The following PARD3B variants were observed in gnomAD, a reference collection of about 807,000 sequenced individuals.
PARD3B encodes partitioning defective 3 homolog B.
PARD3B carries 103 observed loss-of-function variants against 130.2 expected under a neutral mutation model. The ratio of observed to expected loss-of-function variants is 0.79; its 90% confidence interval spans 0.67 to 0.93. The LOEUF (loss-of-function observed/expected upper bound fraction) is 0.93, where lower values mean the gene tolerates loss of function less well. Among genes scored for constraint, PARD3B ranks in the 40% least tolerant of loss-of-function variants. The pLI is 0.00. For missense variants in PARD3B, 1,609 were observed against 1,499.2 expected (o/e 1.07, Z -1.21); for synonymous variants, 583 against 553.2 (o/e 1.05, Z -0.76).
intron 20 of PARD3B, among the ~76,000 whole-genome samples, chr2:205,441,072 A>G (rs1426133693): frequency 2.0e-5 from 3 of 152,204 alleles, no homozygotes; most frequent in Non-Finnish European, 4.4e-5. Context: ...GCTTCCAAGT[A>G]GGTGTAATTG....
intron 22 of PARD3B, among the ~76,000 whole-genome samples, chr2:205,570,563 A>G (rs10207891): frequency 0.018 from 2,721 of 152,298 alleles, 88 homozygotes; most frequent in African/African-American, 0.061. Context: ...GTGTGTATAT[A>G]TATTTCCATT....
intron 21 of PARD3B, among the ~76,000 whole-genome samples, chr2:205,517,085 C>T (rs564272922): frequency 2.0e-4 from 31 of 152,064 alleles, no homozygotes; most frequent in African/African-American, 7.5e-4. Flanking sequence ...TTTCATACGT[C>T]GAATCAACCT....
At chr2:205,560,119 C>T (rs918269140) in intron 22 of PARD3B, among the ~76,000 whole-genome samples, 1 of 152,144 alleles carries the variant, frequency 6.6e-6, no homozygotes, top group Admixed American at 6.5e-5. Context: ...GTTTTTAACC[C>T]AAACAGTCTG....
chr2:204,583,327 G>C (rs2032660041), intron 1 of PARD3B, among the ~76,000 whole-genome samples: 1 of 103,644 alleles, frequency 9.6e-6, no homozygotes, highest in African/African-American at 3.7e-5. Flanking sequence ...CCTTTGTAGG[G>C]ACATGGATGA....
chr2:204,687,237 C>T (rs1160841549), intron 2 of PARD3B, among the ~76,000 whole-genome samples: 1 of 152,086 alleles, frequency 6.6e-6, no homozygotes, highest in African/African-American at 2.4e-5. Context: ...TCAGACTGTT[C>T]AAACTTACAT....
chr2:205,007,924 CT>C (rs1229523647), intron 3 of PARD3B, among the ~76,000 whole-genome samples: 2 of 152,048 alleles, frequency 1.3e-5, no homozygotes, highest in Non-Finnish European at 2.9e-5. Flanking sequence ...GTTAAATACA[CT>C]CCTGGGTATT....
At chr2:205,153,646 T>C (rs565717409) in intron 10 of PARD3B, among the ~76,000 whole-genome samples, 1 of 152,294 alleles carries the variant, frequency 6.6e-6, no homozygotes, top group African/African-American at 2.4e-5. Context: ...CTTCAAACTT[T>C]ACTACAAGGC....
intron 2 of PARD3B, among the ~76,000 whole-genome samples, chr2:204,821,506 C>T (rs373361109): frequency 3.0e-5 from 4 of 135,466 alleles, no homozygotes; most frequent in South Asian, 2.3e-4. Context: ...ACAATGAGAA[C>T]GCATGGACAC....
At chr2:204,974,930 C>A (rs1464183841) in intron 3 of PARD3B, among the ~76,000 whole-genome samples, 1 of 152,140 alleles carries the variant, frequency 6.6e-6, no homozygotes, top group Non-Finnish European at 1.5e-5. Flanking sequence ...TAAAATAATA[C>A]ACATCACAGA....
chr2:205,250,702 G>A (rs372739114), intron 16 of PARD3B, among the ~76,000 whole-genome samples: 94 of 152,260 alleles, frequency 6.2e-4, no homozygotes, highest in East Asian at 3.7e-3. Flanking sequence ...GCCAAGGCAG[G>A]TGGATCATTT....
chr2:204,935,107 T>C (rs1688314844), intron 2 of PARD3B, among the ~76,000 whole-genome samples: 2 of 151,842 alleles, frequency 1.3e-5, no homozygotes, highest in Admixed American at 6.6e-5. Flanking sequence ...TTTTTTACTT[T>C]TTGTCCATAT....
At position 205,374,284 on chromosome 2, in the gene PARD3B, T is replaced by C. The variant is rs184668913; in HGVS notation, c.2631-26729T>C. Among the ~76,000 whole-genome samples the C allele has an allele frequency of 7.2e-5, 11 of 152,286 alleles. No homozygotes were observed. In the East Asian group the frequency reaches 2.1e-3, roughly 29 times the overall value. The stretch of plus-strand genomic sequence containing the variant: ...TGGAATCTTTCTCGGTAGCCCAGGC[T>C]GGAATACAGTGGAGCAATCTCAGCT... On this transcript the variant is annotated intron_variant, in intron 18 of 22. Transcript: ENST00000406610.
At chr2:205,087,746 G>A (rs574593820) in intron 4 of PARD3B, among the ~76,000 whole-genome samples, 126 of 152,248 alleles carry the variant, frequency 8.3e-4, no homozygotes, top group African/African-American at 2.2e-3. Flanking sequence ...CATTTCATCC[G>A]TGTTAGTATT....
intron 2 of PARD3B, among the ~76,000 whole-genome samples, chr2:204,759,179 T>C (rs2040799014): frequency 6.6e-6 from 1 of 152,178 alleles, no homozygotes; most frequent in Non-Finnish European, 1.5e-5. Context: ...CAACACCTTT[T>C]TGGTTCCTCT....
intron 2 of PARD3B, among the ~76,000 whole-genome samples, 166 bp downstream of exon 2, chr2:204,686,448 G>C (rs1176026412): frequency 1.3e-5 from 2 of 152,110 alleles, no homozygotes; most frequent in African/African-American, 2.4e-5. Flanking sequence ...TCAGATGTTT[G>C]GAAAAACTGT....
intron 18 of PARD3B, among the ~76,000 whole-genome samples, chr2:205,322,295 C>A (rs1330731020): frequency 6.6e-6 from 1 of 152,136 alleles, no homozygotes; most frequent in East Asian, 1.9e-4. Flanking sequence ...CTCTGCCAGT[C>A]TTTTTATTTA....
chr2:205,558,330 G>A lies in PARD3B; in HGVS notation c.3260+4927G>A, dbSNP rs1344872948. ...CCAGGGCAGACATGGCATGACAGCA[G>A]CACCCTATTCGCAGGTGGGAGAGAT... is the stretch of plus-strand genomic sequence containing the variant. On this transcript the variant is annotated intron_variant, in intron 22 of 22. Coordinates refer to ENST00000406610, the MANE Select transcript of PARD3B (RefSeq NM_001302769.2). The surrounding 1 kb of genome is among the most constrained non-coding windows in gnomAD (Gnocchi z 4.8). Among the ~76,000 whole-genome samples, 1 of 152,066 alleles carries A rather than the reference G, an allele frequency of 6.6e-6. No homozygotes were observed. Among genetic ancestry groups the A allele is most frequent in the African/African-American group, 2.4e-5 (1 of 41,396 alleles).
In PARD3B at chr2:205,193,270, C is replaced by A. The variant is rs777246153; in HGVS notation, c.2090C>A (p.Ala697Asp). ...QHINFRSVTP[A>D]RQPESINLKA... is the part of the protein sequence containing the mutation. ...ATCAACTTCAGATCTGTGACACCGG[C>A]CAGGCAGCCTGAATCAATTAATTTG... Residue 697 changes from alanine to aspartate, a missense_variant, in exon 15 of 23, where the codon GCC (alanine) becomes GAC (aspartate). Ala to Asp is a moderately radical substitution (Grantham distance 126, BLOSUM62 -2). Transcript: ENST00000406610. 1.2e-6 allele frequency: 2 copies of A among 1,613,562 alleles called. No homozygotes were observed. The highest frequency in any genetic ancestry group is 2.2e-5 in the East Asian group (1 of 44,876).
intron 15 of PARD3B, among the ~76,000 whole-genome samples, chr2:205,203,195 C>T (rs1045111230): frequency 6.6e-6 from 1 of 152,138 alleles, no homozygotes; most frequent in Admixed American, 6.6e-5. Context: ...CAGATTTTTA[C>T]TAAATTGACC....
Sources: gnomAD v4.1 joint callset for allele counts (sites outside exome capture counted in the v4.1 genomes callset) on GRCh38, gnomAD v4.1.1 for gene constraint, Gnocchi (gnomAD v3.1) non-coding constraint, MANE v1.5 for transcripts, NCBI Gene and HGNC (gene_info 2026-07-23, HGNC 2026-07-21) for gene names.